Variants in ATAD2B observed in about 807,000 individuals in gnomAD.
The protein encoded by ATAD2B is ATPase family AAA domain-containing protein 2B.
Under a neutral mutation model 167.6 loss-of-function variants are expected in ATAD2B, and 40 were observed. The observed-to-expected ratio is 0.24, with a 90% CI of 0.19 to 0.31. The LOEUF (loss-of-function observed/expected upper bound fraction) is 0.31. Ranked by LOEUF, ATAD2B falls within the 10% of genes least tolerant of loss-of-function variation. The pLI, the probability that ATAD2B is intolerant of heterozygous loss-of-function variation, is 1.00. For missense variants in ATAD2B, 1,242 were observed against 1,757.2 expected (o/e 0.71, Z 5.24); for synonymous variants, 579 against 596.5 (o/e 0.97, Z 0.43).
intron 5 of ATAD2B, 85 bp from the exon 6 acceptor site, chr2:23,884,958 A>C: frequency 1.5e-6 from 1 of 648,648 alleles, no homozygotes; most frequent in Non-Finnish European, 2.3e-6. Context: ...ATACCTGCTC[A>C]ACAAAATTTA....
At chr2:23,746,201 G>A (rs1469764279), downstream of ATAD2B, among the ~76,000 whole-genome samples, 1 of 152,132 alleles carries the variant, frequency 6.6e-6, no homozygotes, top group East Asian at 1.9e-4. Flanking sequence ...TTTGTTATCT[G>A]TCTACCCCCA....
the ATAD2B span, among the ~76,000 whole-genome samples, chr2:23,740,629 T>G: frequency 6.6e-6 from 1 of 152,158 alleles, no homozygotes; most frequent in Non-Finnish European, 1.5e-5. Flanking sequence ...GCATTCTCTT[T>G]GAAAACTGGC....
intron 15 of ATAD2B, 72 bp from the exon 16 acceptor site, chr2:23,823,641 T>A: frequency 7.5e-7 from 1 of 1,332,604 alleles, no homozygotes; most frequent in Non-Finnish European, 1.0e-6. Flanking sequence ...TTTGTAAATA[T>A]ACACATCTTT....
chr2:23,778,102 A>G (rs1474243762), intron 22 of ATAD2B, among the ~76,000 whole-genome samples: 1 of 152,070 alleles, frequency 6.6e-6, no homozygotes, highest in Non-Finnish European at 1.5e-5. Context: ...GTTTTTCTGG[A>G]ACATAACAAG....
At chr2:23,859,949 CAA>C (rs777997306) in intron 12 of ATAD2B, among the ~76,000 whole-genome samples, 1 of 119,172 alleles carries the variant, frequency 8.4e-6, no homozygotes, top group Non-Finnish European at 1.8e-5. Flanking sequence ...GACTCAGCCT[CAA>C]AAAAAAAAAA....
chr2:23,908,887 A>G (rs1237593104), intron 1 of ATAD2B, among the ~76,000 whole-genome samples: 1 of 149,692 alleles, frequency 6.7e-6, no homozygotes, highest in African/African-American at 2.5e-5. Context: ...TATCGCAAGA[A>G]AAAAAAAAAC....
intron 13 of ATAD2B, among the ~76,000 whole-genome samples, chr2:23,853,105 T>C (rs553835161): frequency 6.6e-6 from 1 of 152,068 alleles, no homozygotes; most frequent in Non-Finnish European, 1.5e-5. Context: ...CTCAATGTAA[T>C]AAAGGGCACC....
intron 16 of ATAD2B, 115 bp downstream of exon 16, chr2:23,823,143 C>G (rs1299638784): frequency 1.1e-6 from 1 of 936,482 alleles, no homozygotes; most frequent in Admixed American, 2.8e-5. Context: ...ATATATAGTA[C>G]TGAATAAACA....
At chr2:23,786,006 T>C in intron 21 of ATAD2B, 21 bp downstream of exon 21, 1 of 1,579,366 alleles carries the variant, frequency 6.3e-7, no homozygotes, top group Non-Finnish European at 8.6e-7. Context: ...CTTCACTGTT[T>C]GCACACTACT....
At chr2:23,736,989 T>A in the ATAD2B span, among the ~76,000 whole-genome samples, 2 of 152,064 alleles carry the variant, frequency 1.3e-5, no homozygotes, top group Non-Finnish European at 2.9e-5. Flanking sequence ...GCAGCGAGGC[T>A]GGGGGAGGGG....
At chr2:23,867,291 G>A (rs1695277748) in intron 10 of ATAD2B, among the ~76,000 whole-genome samples, 1 of 152,074 alleles carries the variant, frequency 6.6e-6, no homozygotes, top group South Asian at 2.1e-4. Flanking sequence ...AGAAACCTGG[G>A]TAATACTCTC....
chr2:23,873,103 G>T (rs1446454823), intron 8 of ATAD2B: 4 of 434,674 alleles, frequency 9.2e-6, no homozygotes, highest in South Asian at 2.3e-5. Flanking sequence ...CTTATTCTTT[G>T]CAATTTTGAT....
At chr2:23,860,007 TAA>T (rs1201124485) in intron 12 of ATAD2B, among the ~76,000 whole-genome samples, 1 of 152,072 alleles carries the variant, frequency 6.6e-6, no homozygotes, top group African/African-American at 2.4e-5. Context: ...GTAGGACCTT[TAA>T]AAAGTGTGTA....
chr2:23,743,229 C>T, the ATAD2B span, among the ~76,000 whole-genome samples: 2 of 151,622 alleles, frequency 1.3e-5, no homozygotes, highest in African/African-American at 4.9e-5. Flanking sequence ...GAAATTTTCT[C>T]AAGAAAATGA....
intron 27 of ATAD2B, 101 bp from the exon 28 acceptor site, chr2:23,752,188 G>A: frequency 1.2e-6 from 1 of 830,252 alleles, no homozygotes. Flanking sequence ...ATGAATTTGA[G>A]ATACAGGTTA....
chr2:23,876,371 G>A (rs895557018), intron 7 of ATAD2B, among the ~76,000 whole-genome samples: 19 of 150,382 alleles, frequency 1.3e-4, no homozygotes, highest in Admixed American at 9.3e-4. Flanking sequence ...GCGCGATCTC[G>A]GCTCACTGCA....
intron 27 of ATAD2B, among the ~76,000 whole-genome samples, chr2:23,752,556 G>C (rs145697662): frequency 6.6e-6 from 1 of 151,350 alleles, no homozygotes; most frequent in Non-Finnish European, 1.5e-5. Context: ...TTGAACAAAC[G>C]TATTACTATC....
At chr2:23,695,846 T>C in the ATAD2B span, 2 of 1,541,028 alleles carry the variant, frequency 1.3e-6, no homozygotes, top group Non-Finnish European at 1.8e-6. This position sits in a 1 kb window ranked among gnomAD's most constrained non-coding sequence, Gnocchi z 7.6. Context: ...GCCCCGAACC[T>C]CCCAAGAAGC....
intron 22 of ATAD2B, among the ~76,000 whole-genome samples, chr2:23,781,333 AAAATAAATAAATAAATAAAT>A (rs57132440): frequency 2.1e-5 from 3 of 144,474 alleles, no homozygotes; most frequent in Admixed American, 6.9e-5. Flanking sequence ...TGACCACAAA[AAAATAAATAAATAAATAAAT>A]AAATAAATAA....
Sources: allele counts gnomAD v4.1 joint callset (sites outside exome capture counted in the v4.1 genomes callset), GRCh38; gene constraint gnomAD v4.1.1; non-coding constraint Gnocchi (gnomAD v3.1); transcripts MANE v1.5; gene names NCBI Gene and HGNC (gene_info 2026-07-23, HGNC 2026-07-21).